The following CFAP298 variants were observed in gnomAD, a reference collection of about 807,000 sequenced individuals.
The protein encoded by CFAP298 is cilia- and flagella-associated protein 298.
A neutral mutation model predicts 41.0 loss-of-function variants in CFAP298; 38 were observed. The ratio of observed to expected loss-of-function variants is 0.93; its 90% CI spans 0.72 to 1.22. CFAP298 has a LOEUF of 1.22. CFAP298 is among the 50% of genes most tolerant of loss of function. The pLI, the probability that CFAP298 is intolerant of heterozygous loss-of-function variation, is 0.00. For missense variants in CFAP298, 348 were observed against 360.3 expected (o/e 0.97, Z 0.28); for synonymous variants, 137 against 135.3 (o/e 1.01, Z -0.09).
rs557378898 is a variant in CFAP298 at position 32,609,466 on chromosome 21, G to A, written c.307+372C>T. ...TTTTGTAAGTCTGTAGAGAAATGAC[G>A]AGGTCAATTTTTAAACGTAAAGAAC... On this transcript the variant is annotated intron_variant, in intron 2 of 6. Transcript: ENST00000290155. Among the ~76,000 whole-genome samples, 44 of 152,274 alleles carry A rather than the reference G, an allele frequency of 2.9e-4. 1 individual carries two copies. The South Asian group carries it at 7.5e-3, about 26-fold the overall frequency.
At chr21:32,610,031 C>A (rs1444159478) in intron 1 of CFAP298, 26 bp from the exon 2 acceptor site, 1 of 1,599,682 alleles carries the variant, frequency 6.3e-7, no homozygotes, top group Non-Finnish European at 8.5e-7. Context: ...AAGACAGTAT[C>A]ACAATCATAA....
At chr21:32,610,593 T>C (rs1297163470) in intron 1 of CFAP298, among the ~76,000 whole-genome samples, 2 of 152,244 alleles carry the variant, frequency 1.3e-5, no homozygotes, top group Non-Finnish European at 2.9e-5. Context: ...ATTCAGCACA[T>C]TTCCAATTTA....
At chr21:32,607,791 C>A in intron 2 of CFAP298, 75 bp from the exon 3 acceptor site, 1 of 866,208 alleles carries the variant, frequency 1.2e-6, no homozygotes, top group Non-Finnish European at 1.9e-6. Flanking sequence ...TCAATCCCCT[C>A]TGTCTGAGTC....
At chr21:32,602,114 G>A (rs1049540516) in intron 6 of CFAP298, 141 bp from the exon 7 acceptor site, 34 of 862,118 alleles carry the variant, frequency 3.9e-5, no homozygotes, top group Non-Finnish European at 5.7e-5. Flanking sequence ...AACACCAGGG[G>A]ACACCTGGCA....
chr21:32,601,525 C>T lies in CFAP298; in HGVS notation c.*338G>A, dbSNP rs1032789231. The T allele has an allele frequency of 5.3e-6, 1 of 189,796 alleles. No individual in the cohort carries two copies. The highest frequency in any genetic ancestry group is 2.4e-5 in the African/African-American group (1 of 42,180). The allele number at this position is 189,796 out of a possible 1,614,324, so 11.8% of individuals were successfully genotyped here. A position where few individuals can be genotyped will look rare whatever the true frequency, so the allele number is the denominator to read the frequency against. ...TGTTAGCCTGGATGGTCTTGATCTC[C>T]TGACCTCGTGATCTGCCTGCCTCGG... On this transcript the variant is annotated 3_prime_UTR_variant, in exon 7 of 7. Coordinates refer to ENST00000290155, the MANE Select transcript of CFAP298 (RefSeq NM_021254.4).
chr21:32,602,532 G>A (rs542143068), intron 5 of CFAP298, 165 bp from the exon 6 acceptor site: 2 of 1,429,120 alleles, frequency 1.4e-6, no homozygotes, highest in African/African-American at 1.4e-5. Context: ...CCTTGGTCTT[G>A]AGCAGCCCTG....
intron 5 of CFAP298, 98 bp downstream of exon 5, chr21:32,603,063 G>T (rs2038780939): frequency 3.5e-6 from 5 of 1,432,172 alleles, no homozygotes; most frequent in African/African-American, 1.4e-5. Context: ...TAAAATATTT[G>T]TACCAGTAGT....
intron 1 of CFAP298, among the ~76,000 whole-genome samples, chr21:32,611,656 G>C (rs891947727): frequency 6.6e-6 from 1 of 152,068 alleles, no homozygotes; most frequent in Admixed American, 6.5e-5. Context: ...AGATCACCAA[G>C]GCTTCCTCAA....
intron 5 of CFAP298, 180 bp downstream of exon 5, chr21:32,602,981 C>T: frequency 9.7e-7 from 1 of 1,029,088 alleles, no homozygotes; most frequent in Non-Finnish European, 1.4e-6. Flanking sequence ...GGTACTCAAT[C>T]CATATTTTCT....
rs112907480 is a variant in CFAP298 at position 32,605,210 on chromosome 21, C to A, written c.376-927G>T. 2.2e-3 allele frequency among the ~76,000 whole-genome samples: 334 copies of A among 152,252 alleles called. 4 individuals are homozygous for A. The highest frequency in any genetic ancestry group is 7.7e-3 in the African/African-American group (321 of 41,536). On this transcript the variant is annotated intron_variant, in intron 3 of 6. Coordinates refer to ENST00000290155, the MANE Select transcript of CFAP298 (RefSeq NM_021254.4). Reference sequence around the variant, plus strand: ...AAGAACAGACCTAGTTGGAGGGAGACCAGGTAGCAGGCTCTGAAGAGTACA... The same window carrying A: ...AAGAACAGACCTAGTTGGAGGGAGAACAGGTAGCAGGCTCTGAAGAGTACA...
chr21:32,612,171 C>T lies in CFAP298; in HGVS notation c.73G>A (p.Glu25Lys), dbSNP rs1479102922. 1.9e-6 allele frequency: 3 copies of T among 1,601,238 alleles called. No individual in the cohort carries two copies. In the Admixed American group the frequency reaches 5.1e-5, roughly 27 times the overall value. Residue 25 changes from glutamate to lysine, a missense_variant, in exon 1 of 7, where the codon GAG becomes AAG. Coordinates refer to ENST00000290155, the MANE Select transcript of CFAP298 (RefSeq NM_021254.4). Reference protein sequence around the residue: ...LLQAPGSTELEELTVQVARVY... With the variant: ...LLQAPGSTELKELTVQVARVY... ...CGGGCCACCTGCACCGTGAGCTCCTCCAGCTCGGTACTCCCAGGCGCCTGC... is the reference window on the plus strand; with the variant it reads ...CGGGCCACCTGCACCGTGAGCTCCTTCAGCTCGGTACTCCCAGGCGCCTGC...
intron 6 of CFAP298, 63 bp downstream of exon 6, chr21:32,602,209 G>A: frequency 1.3e-6 from 2 of 1,509,650 alleles, no homozygotes; most frequent in Non-Finnish European, 1.8e-6. Flanking sequence ...AGCAGCCCCA[G>A]GTAAGGCACA....
intron 4 of CFAP298, 46 bp from the exon 5 acceptor site, chr21:32,603,338 G>C (rs780800418): frequency 6.2e-7 from 1 of 1,608,152 alleles, no homozygotes; most frequent in South Asian, 1.1e-5. Flanking sequence ...TCCCACCCAG[G>C]GGGCAGAGCC....
intron 2 of CFAP298, among the ~76,000 whole-genome samples, chr21:32,609,147 T>C (rs2038934962): frequency 6.6e-6 from 1 of 152,228 alleles, no homozygotes; most frequent in African/African-American, 2.4e-5. Context: ...TGCTTTCCCT[T>C]TCCTCTTTCA....
Position 32,610,025 on chromosome 21 carries a change from C to G in CFAP298, c.140-20G>C. The G allele has an allele frequency of 6.2e-7, 1 of 1,605,894 alleles. No individual in the cohort carries two copies. Among genetic ancestry groups the G allele is most frequent in the Non-Finnish European group, 8.5e-7 (1 of 1,174,520 alleles). On this transcript the variant is annotated intron_variant, in intron 1 of 6. Transcript: ENST00000290155. ...CCATTTCTTAAAAATAAGTGAAAGACAGTATCACAATCATAACACCTCATA... is the reference window on the plus strand; with the variant it reads ...CCATTTCTTAAAAATAAGTGAAAGAGAGTATCACAATCATAACACCTCATA...
Position 32,604,266 on chromosome 21 carries a change from A to T in CFAP298, c.393T>A (p.Gly131=), listed in dbSNP as rs2038818157. The T allele has an allele frequency of 1.2e-6, 2 of 1,613,942 alleles. No homozygotes were observed. The highest frequency in any genetic ancestry group is 2.2e-5 in the South Asian group (2 of 91,088). The change falls in exon 4 of 7, where the codon GGT becomes GGA. Residue 131 remains glycine (G), a synonymous_variant. Transcript: ENST00000290155. ...AIISKKQVEA[G]VCVTMEMVKD... is the part of the protein sequence containing the mutation. Reference sequence around the variant, plus strand: ...TCACCATCTCCATGGTAACACAGACACCGGCTTCCACTTGTTTCTGCAAGC... The same window carrying T: ...TCACCATCTCCATGGTAACACAGACTCCGGCTTCCACTTGTTTCTGCAAGC...
At position 32,601,970 on chromosome 21, in the gene CFAP298, A is replaced by G. The variant is rs749884819; in HGVS notation, c.766T>C (p.Leu256=). Residue 256 remains leucine (L), a synonymous_variant, in exon 7 of 7, where the codon TTG becomes CTG. Transcript: ENST00000290155. ...TAGGCATCATCATCATTTTCTTCCAATCTCTGGAAATAAGTATGTTTTATT... is the reference window on the plus strand; with the variant it reads ...TAGGCATCATCATCATTTTCTTCCAGTCTCTGGAAATAAGTATGTTTTATT... ...YHRRQEELKR[L]EENDDDAYLN... is the part of the protein sequence containing the mutation. The G allele has an allele frequency of 9.6e-6, 15 of 1,559,680 alleles. 1 individual carries two copies. The South Asian group carries it at 1.2e-4, about 13-fold the overall frequency.
At chr21:32,602,433 C>T (rs895381551) in intron 5 of CFAP298, 66 bp from the exon 6 acceptor site, 1 of 1,559,900 alleles carries the variant, frequency 6.4e-7, no homozygotes, top group African/African-American at 1.4e-5. Flanking sequence ...CCTGAAGTTA[C>T]AACAAATGTT....
At position 32,607,828 on chromosome 21, in the gene CFAP298, G is replaced by T. The variant is rs971212698; in HGVS notation, c.308-112C>A. ...GGGGGTAAATGAACTGAGAGAGAGT[G>T]CGAGTGTGGAATTTAGGGAAGAGAA... On this transcript the variant is annotated intron_variant, in intron 2 of 6. Coordinates refer to ENST00000290155, the MANE Select transcript of CFAP298 (RefSeq NM_021254.4). 4.5e-5 allele frequency: 30 copies of T among 663,188 alleles called. No individual in the cohort carries two copies. In the South Asian group the frequency reaches 4.9e-4, roughly 11 times the overall value. 41.1% of individuals were successfully genotyped at this position (663,188 alleles called of 1,614,324 possible).
Sources: allele counts gnomAD v4.1 joint callset (sites outside exome capture counted in the v4.1 genomes callset), GRCh38; gene constraint gnomAD v4.1.1; transcripts MANE v1.5; gene names NCBI Gene and HGNC (gene_info 2026-07-23, HGNC 2026-07-21).